DENND2B: variants seen among roughly 807,000 people sequenced by gnomAD.
The protein encoded by DENND2B is DENN domain containing 2B.
A neutral mutation model predicts 116.0 loss-of-function variants in DENND2B; 32 were observed. The ratio of observed to expected loss-of-function variants is 0.28; its 90% CI spans 0.21 to 0.37. The LOEUF is 0.37. Ranked by LOEUF, DENND2B falls within the 10% of genes least tolerant of loss-of-function variation. DENND2B has a pLI of 1.00. For missense variants in DENND2B, 1,276 were observed against 1,477.7 expected (o/e 0.86, Z 2.24); for synonymous variants, 588 against 583.9 (o/e 1.01, Z -0.10).
chr11:8,702,537 C>A lies in DENND2B; in HGVS notation c.2720+35G>T, dbSNP rs777198027. ...ATTCGCTTGTGGGTGTGCCTTCCCC[C>A]CTCCCTTCTGCTTTCTTGCCCGGCT... is the stretch of plus-strand genomic sequence containing the variant. On this transcript the variant is annotated intron_variant, in intron 14 of 19. Transcript: ENST00000313726. The surrounding 1 kb of genome is among the most constrained non-coding windows in gnomAD (Gnocchi z 4.6). The A allele has an allele frequency of 1.9e-6, 3 of 1,606,828 alleles. No homozygotes were observed. The highest frequency in any genetic ancestry group is 2.5e-6 in the Non-Finnish European group (3 of 1,179,912).
chr11:8,695,376 C>T, intron 19 of DENND2B, 87 bp downstream of exon 19: 1 of 1,235,928 alleles, frequency 8.1e-7, no homozygotes, highest in African/African-American at 1.5e-5. Flanking sequence ...CACCTGTTGA[C>T]ATTGATTTAG....
Position 8,726,219 on chromosome 11 carries a change from A to C in DENND2B, c.1341-10T>G. 1 of 1,603,678 alleles carries C rather than the reference A, an allele frequency of 6.2e-7. No homozygotes were observed. Among genetic ancestry groups the C allele is most frequent in the Non-Finnish European group, 8.5e-7 (1 of 1,175,158 alleles). ...AAACTCAAAGGATTTTCTGTGGATAACAAGAGCAAGAGTCATTCCTGCTGA... is the reference window on the plus strand; with the variant it reads ...AAACTCAAAGGATTTTCTGTGGATACCAAGAGCAAGAGTCATTCCTGCTGA... On this transcript the variant is annotated splice_polypyrimidine_tract_variant and intron_variant, in intron 3 of 19. Coordinates refer to ENST00000313726, the MANE Select transcript of DENND2B (RefSeq NM_213618.2).
chr11:8,708,624 A>G (rs1279211849), intron 11 of DENND2B, among the ~76,000 whole-genome samples: 1 of 152,130 alleles, frequency 6.6e-6, no homozygotes, highest in African/African-American at 2.4e-5. Context: ...GAGGTTTGCT[A>G]TGGAGTAAAG....
At chr11:8,867,334 C>G (rs1182517076) in intron 2 of DENND2B, among the ~76,000 whole-genome samples, 1 of 152,126 alleles carries the variant, frequency 6.6e-6, no homozygotes, top group Non-Finnish European at 1.5e-5. Flanking sequence ...AAGCTGTATA[C>G]ATGAACAATA....
At chr11:8,856,752 C>CTTTTT (rs397961269) in intron 3 of DENND2B, among the ~76,000 whole-genome samples, 1 of 143,490 alleles carries the variant, frequency 7.0e-6, no homozygotes, top group East Asian at 2.0e-4. Context: ...TCACTATTTT[C>CTTTTT]TTTTTTTTTT....
intron 3 of DENND2B, among the ~76,000 whole-genome samples, chr11:8,843,283 C>T (rs1026906792): frequency 2.0e-5 from 3 of 152,076 alleles, no homozygotes; most frequent in Admixed American, 6.5e-5. Flanking sequence ...GCAGGGATTA[C>T]AGGCGCGAGC....
At chr11:8,775,871 T>C (rs186291591) in intron 1 of DENND2B, among the ~76,000 whole-genome samples, 12 of 152,308 alleles carry the variant, frequency 7.9e-5, no homozygotes, top group Admixed American at 6.5e-4. Context: ...AACAGTATTA[T>C]TGTATGACAA....
rs200700183 is a variant in DENND2B at position 8,694,725 on chromosome 11, C to CT, written c.3380-596dup. On this transcript the variant is annotated intron_variant, in intron 19 of 19. Transcript: ENST00000313726. Reference sequence around the variant, plus strand: ...GGTGTCTGTACTGAACATATATAGACTTTTTTTTTCTCGTCATTATTCCCT... The same window carrying CT: ...GGTGTCTGTACTGAACATATATAGACTTTTTTTTTTCTCGTCATTATTCCCT... 8.5e-4 allele frequency: 350 copies of CT among 411,794 alleles called. 3 individuals carry two copies. In the East Asian group the frequency reaches 0.015, roughly 18 times the overall value. The allele number at this position is 411,794 out of a possible 1,614,324, so 25.5% of individuals were successfully genotyped here. A position where few individuals can be genotyped will look rare whatever the true frequency, so the allele number is the denominator to read the frequency against.
At chr11:8,793,442 T>A (rs2059555988) in intron 1 of DENND2B, among the ~76,000 whole-genome samples, 2 of 152,248 alleles carry the variant, frequency 1.3e-5, no homozygotes, top group African/African-American at 2.4e-5. Context: ...ACAAAATATT[T>A]GTGCTTTTAT....
chr11:8,797,685 A>T (rs2059954969), intron 1 of DENND2B, among the ~76,000 whole-genome samples: 1 of 152,084 alleles, frequency 6.6e-6, no homozygotes, highest in South Asian at 2.1e-4. Flanking sequence ...CTTGGGTTCC[A>T]GCGATCCTCC....
chr11:8,724,059 A>G (rs868077836), intron 4 of DENND2B, among the ~76,000 whole-genome samples: 1 of 152,310 alleles, frequency 6.6e-6, no homozygotes, highest in East Asian at 1.9e-4. Flanking sequence ...ACTTTGGGAG[A>G]CCGAGGCAGG....
chr11:8,880,332 C>A (rs2063888905), intron 2 of DENND2B, among the ~76,000 whole-genome samples: 1 of 133,062 alleles, frequency 7.5e-6, no homozygotes, highest in African/African-American at 2.8e-5. Context: ...GCACTGGAAG[C>A]TGTCACTTTG....
intron 1 of DENND2B, among the ~76,000 whole-genome samples, chr11:8,804,698 C>T (rs1295373071): frequency 6.6e-6 from 1 of 152,076 alleles, no homozygotes; most frequent in Non-Finnish European, 1.5e-5. Flanking sequence ...ATACACACCA[C>T]TATGCCCGGC....
rs149915804 is a variant in DENND2B, at chr11:8,907,433, G to C, written c.-256+3388C>G. On this transcript the variant is annotated intron_variant, in intron 1 of 22. Transcript: ENST00000534127. ...AAAAAGATAAAAAGGAATCTCTCAA[G>C]TCTCTCAATCTGTGGTTTACAGGAT... Among the ~76,000 whole-genome samples, 504 of 152,148 alleles carry C rather than the reference G, an allele frequency of 3.3e-3. 2 individuals are homozygous for C. Among genetic ancestry groups the C allele is most frequent in the African/African-American group, 0.012 (480 of 41,500 alleles).
At chr11:8,695,417 T>C (rs1235731563) in intron 19 of DENND2B, 46 bp downstream of exon 19, 3 of 1,563,112 alleles carry the variant, frequency 1.9e-6, no homozygotes, top group Non-Finnish European at 2.6e-6. Context: ...TCCCAGCCCC[T>C]TCCTTCTTGC....
Position 8,707,712 on chromosome 11 carries a change from T to A in DENND2B, c.2430+65A>T. The A allele has an allele frequency of 6.7e-7, 1 of 1,502,732 alleles. No homozygotes were observed. The highest frequency in any genetic ancestry group is 9.1e-7 in the Non-Finnish European group (1 of 1,103,046). 93.1% of individuals were successfully genotyped at this position (1,502,732 alleles called of 1,614,324 possible). A position where few individuals can be genotyped will look rare whatever the true frequency, so the allele number is the denominator to read the frequency against. On this transcript the variant is annotated intron_variant, in intron 12 of 19. Coordinates refer to ENST00000313726, the MANE Select transcript of DENND2B (RefSeq NM_213618.2). This position sits in a 1 kb window ranked among gnomAD's most constrained non-coding sequence, Gnocchi z 4.8. ...AGGTGGTTTTCTCATCTAAGCTGGC[T>A]GCAGATACTCCTGTGGGAGCTGTCA...
At chr11:8,855,831 C>G (rs1294077717) in intron 3 of DENND2B, among the ~76,000 whole-genome samples, 1 of 152,040 alleles carries the variant, frequency 6.6e-6, no homozygotes, top group Non-Finnish European at 1.5e-5. Context: ...GGGAAGGGCC[C>G]AATCCAAACA....
intron 3 of DENND2B, among the ~76,000 whole-genome samples, chr11:8,841,236 AGAT>A (rs1357873715): frequency 1.3e-5 from 2 of 152,176 alleles, no homozygotes; most frequent in African/African-American, 4.8e-5. Context: ...TATGTTGTGA[AGAT>A]GATAATAGAT....
chr11:8,701,352 G>A (rs998381974), intron 14 of DENND2B, among the ~76,000 whole-genome samples: 1,065 of 93,686 alleles, frequency 0.011, 248 homozygotes, highest in African/African-American at 0.046. Context: ...TCCGGGGGGG[G>A]GGGGGGGAGG....
Sources: allele counts gnomAD v4.1 joint callset (sites outside exome capture counted in the v4.1 genomes callset), GRCh38; gene constraint gnomAD v4.1.1; non-coding constraint Gnocchi (gnomAD v3.1); transcripts MANE v1.5; gene names NCBI Gene and HGNC (gene_info 2026-07-23, HGNC 2026-07-21).